Variants in KATNAL1 observed in about 807,000 individuals in gnomAD.
KATNAL1 encodes the protein katanin p60 ATPase-containing subunit A-like 1.
KATNAL1 carries 32 observed loss-of-function variants against 55.2 expected under a neutral mutation model. The ratio of observed to expected loss-of-function variants is 0.58; its 90% CI spans 0.44 to 0.78. The LOEUF is 0.78. KATNAL1 is among the 30% of genes least tolerant of loss of function. KATNAL1 has a pLI of 0.00. For missense variants in KATNAL1, 466 were observed against 600.9 expected (o/e 0.78, Z 2.35); for synonymous variants, 193 against 193.6 (o/e 1.00, Z 0.02).
chr13:30,220,824 T>C (rs1874778594), intron 9 of KATNAL1, among the ~76,000 whole-genome samples: 1 of 151,956 alleles, frequency 6.6e-6, no homozygotes, highest in Non-Finnish European at 1.5e-5. Flanking sequence ...CTCAGCCGCC[T>C]GAGTAGCTGG....
At chr13:30,228,121 AC>A (rs1414366430) in intron 8 of KATNAL1, among the ~76,000 whole-genome samples, 1 of 152,192 alleles carries the variant, frequency 6.6e-6, no homozygotes, top group Non-Finnish European at 1.5e-5. Context: ...GATAAAAATA[AC>A]CAAACCAACT....
At chr13:30,306,309 G>A (rs980755615) in intron 1 of KATNAL1, among the ~76,000 whole-genome samples, 4 of 151,982 alleles carry the variant, frequency 2.6e-5, no homozygotes, top group African/African-American at 7.3e-5. Flanking sequence ...TTTTCCTTCC[G>A]AAAACATGCT....
intron 9 of KATNAL1, among the ~76,000 whole-genome samples, chr13:30,225,455 AC>A (rs1176633768): frequency 6.6e-6 from 1 of 152,250 alleles, no homozygotes; most frequent in African/African-American, 2.4e-5. Context: ...CAAGAAAAAA[AC>A]AAATAACTTA....
At chr13:30,270,283 C>T (rs545974756) in intron 3 of KATNAL1, among the ~76,000 whole-genome samples, 12 of 149,338 alleles carry the variant, frequency 8.0e-5, no homozygotes, top group Admixed American at 2.6e-4. Context: ...CCAGCCACCC[C>T]GTCCAGGAGG....
intron 6 of KATNAL1, among the ~76,000 whole-genome samples, chr13:30,233,381 G>A (rs1876303537): frequency 6.6e-6 from 1 of 152,126 alleles, no homozygotes; most frequent in African/African-American, 2.4e-5. Flanking sequence ...AATCATTAGA[G>A]AAATTCAAGT....
chr13:30,239,479 T>A (rs1414027959), intron 6 of KATNAL1, among the ~76,000 whole-genome samples: 3 of 152,056 alleles, frequency 2.0e-5, no homozygotes, highest in Non-Finnish European at 4.4e-5. Context: ...CCCTAAAAAA[T>A]TCAGACATAA....
intron 9 of KATNAL1, among the ~76,000 whole-genome samples, chr13:30,222,933 T>TA (rs532384328): frequency 1.4e-3 from 213 of 150,942 alleles, no homozygotes; most frequent in African/African-American, 5.0e-3. Context: ...TCTCTACTAA[T>TA]AATATAAAAA....
chr13:30,214,148 A>G (rs1873972337), intron 9 of KATNAL1, among the ~76,000 whole-genome samples: 1 of 152,228 alleles, frequency 6.6e-6, no homozygotes, highest in South Asian at 2.1e-4. Flanking sequence ...ACAGAGCCAA[A>G]TCATGAGTGA....
intron 8 of KATNAL1, among the ~76,000 whole-genome samples, chr13:30,230,207 C>G (rs1875952894): frequency 6.6e-6 from 1 of 152,124 alleles, no homozygotes; most frequent in South Asian, 2.1e-4. Flanking sequence ...TAGATCATGC[C>G]TCCAGAAACT....
At chr13:30,212,377 G>C (rs1243492351) in intron 9 of KATNAL1, among the ~76,000 whole-genome samples, 1 of 152,234 alleles carries the variant, frequency 6.6e-6, no homozygotes, top group Admixed American at 6.5e-5. Context: ...CCAATAGCCA[G>C]CGTGCCTGGC....
intron 1 of KATNAL1, among the ~76,000 whole-genome samples, chr13:30,293,969 T>C (rs1410541193): frequency 6.6e-6 from 1 of 152,196 alleles, no homozygotes; most frequent in African/African-American, 2.4e-5. Flanking sequence ...GTAATTGTAT[T>C]GGGGCACCAC....
intron 1 of KATNAL1, among the ~76,000 whole-genome samples, chr13:30,304,097 A>T (rs1434047601): frequency 6.6e-6 from 1 of 152,196 alleles, no homozygotes; most frequent in Non-Finnish European, 1.5e-5. Context: ...ACAGATTTGG[A>T]GACCTGCCTA....
chr13:30,251,672 T>C (rs1335947827), intron 4 of KATNAL1, among the ~76,000 whole-genome samples: 1 of 152,178 alleles, frequency 6.6e-6, no homozygotes, highest in Non-Finnish European at 1.5e-5. Flanking sequence ...TATTTTGTCA[T>C]AGTAGGAAGA....
chr13:30,255,497 G>T lies in KATNAL1; in HGVS notation c.442C>A (p.Pro148Thr). 6.3e-7 allele frequency: 1 copy of T among 1,595,812 alleles called. No homozygotes were observed. The highest frequency in any genetic ancestry group is 8.5e-7 in the Non-Finnish European group (1 of 1,170,920). Residue 148 changes from proline to threonine, a missense_variant, in exon 4 of 11, where the codon CCT (proline) becomes ACT (threonine). Around this residue, in one of 3 missense-constraint regions of KATNAL1, gnomAD observed 248 missense variants for 275.5 expected, o/e 0.90. Coordinates refer to ENST00000380615, the MANE Select transcript of KATNAL1 (RefSeq NM_032116.5). ...TAGTCCTTGTCCCTACTTGTAGAAGGCTTTTCACTCTTTGATATAGGATGT... is the reference window on the plus strand; with the variant it reads ...TAGTCCTTGTCCCTACTTGTAGAAGTCTTTTCACTCTTTGATATAGGATGT... ...RAHPISKSEKPSTSRDKDYRA... is the reference protein window; with the variant it reads ...RAHPISKSEKTSTSRDKDYRA...
chr13:30,292,685 G>A (rs1173080199), intron 1 of KATNAL1, among the ~76,000 whole-genome samples: 1 of 151,750 alleles, frequency 6.6e-6, no homozygotes, highest in Non-Finnish European at 1.5e-5. Flanking sequence ...CTTTTTTTAT[G>A]TATCACATGT....
At position 30,237,473 on chromosome 13, in the gene KATNAL1, G is replaced by A. The variant is rs140466525; in HGVS notation, c.726+2987C>T. On this transcript the variant is annotated intron_variant, in intron 6 of 10. Transcript: ENST00000380615. ...TATATACTTCAGCACTGAAAATACA[G>A]TAGTCTATTTCTTGGGCATCTCCTT... Among the ~76,000 whole-genome samples, 7 of 152,252 alleles carry A rather than the reference G, an allele frequency of 4.6e-5. No individual in the cohort carries two copies. In the East Asian group the frequency reaches 1.4e-3, roughly 29 times the overall value.
chr13:30,254,685 A>C (rs1878632252), intron 4 of KATNAL1, among the ~76,000 whole-genome samples: 1 of 152,186 alleles, frequency 6.6e-6, no homozygotes, highest in African/African-American at 2.4e-5. Flanking sequence ...CTGAATCTCT[A>C]ACTAGTAAAA....
intron 1 of KATNAL1, among the ~76,000 whole-genome samples, chr13:30,288,647 T>A (rs752568962): frequency 2.0e-5 from 3 of 152,240 alleles, no homozygotes; most frequent in African/African-American, 7.2e-5. Context: ...TGAGTCTGCA[T>A]CACAAATTGA....
chr13:30,216,285 C>T (rs1874219608), intron 9 of KATNAL1, among the ~76,000 whole-genome samples: 1 of 152,018 alleles, frequency 6.6e-6, no homozygotes, highest in African/African-American at 2.4e-5. Context: ...GGTGGTGACC[C>T]CCAGCAGAGG....
Sources: allele counts gnomAD v4.1 joint callset (sites outside exome capture counted in the v4.1 genomes callset), GRCh38; gene constraint gnomAD v4.1.1; regional missense constraint gnomAD v4.1.1; transcripts MANE v1.5; gene names NCBI Gene and HGNC (gene_info 2026-07-23, HGNC 2026-07-21).